The following KLHL1 variants were observed in gnomAD, a reference collection of about 807,000 sequenced individuals.
KLHL1 encodes the protein kelch like family member 1, also known as kelch-like protein 1.
Under a neutral mutation model 77.7 loss-of-function variants are expected in KLHL1, and 47 were observed. The ratio of observed to expected loss-of-function variants is 0.60; its 90% CI spans 0.48 to 0.77. KLHL1 has a LOEUF of 0.77. Among genes scored for constraint, KLHL1 ranks in the 30% least tolerant of loss-of-function variants. The probability of loss-of-function intolerance (pLI) is 0.00; values close to 1 mark genes in which losing one functional copy is unlikely to be tolerated. For synonymous variants in KLHL1, 360 were observed against 325.2 expected (o/e 1.11, Z -1.15); for missense variants, 925 against 910.8 (o/e 1.02, Z -0.20).
intron 7 of KLHL1, among the ~76,000 whole-genome samples, chr13:69,757,546 G>C (rs1874806962): frequency 6.6e-6 from 1 of 152,114 alleles, no homozygotes; most frequent in Admixed American, 6.6e-5. Flanking sequence ...GTGGCCCTCT[G>C]GGGCAACCCA....
At chr13:70,066,420 T>C (rs776929184) in intron 1 of KLHL1, among the ~76,000 whole-genome samples, 4 of 152,090 alleles carry the variant, frequency 2.6e-5, no homozygotes, top group Non-Finnish European at 4.4e-5. Context: ...AGAGTGCAAA[T>C]AGAATAAAAA....
In KLHL1 at chr13:70,101,187, T is replaced by A. The variant is rs377024190; in HGVS notation, c.497+6016A>T. Among the ~76,000 whole-genome samples the A allele has an allele frequency of 1.5e-4, 23 of 152,252 alleles. No homozygotes were observed. The East Asian group carries it at 4.2e-3, about 28-fold the overall frequency. Reference sequence around the variant, plus strand: ...GGCTTTCTTTATTTTTCTAAACAATTTGAAATAGTACCATAGAAAGGCTAA... The same window carrying A: ...GGCTTTCTTTATTTTTCTAAACAATATGAAATAGTACCATAGAAAGGCTAA... On this transcript the variant is annotated intron_variant, in intron 1 of 10. Transcript: ENST00000377844.
At chr13:69,761,927 C>G (rs1875042339) in intron 7 of KLHL1, among the ~76,000 whole-genome samples, 1 of 152,096 alleles carries the variant, frequency 6.6e-6, no homozygotes. Context: ...GGTTTATGAT[C>G]AATCTTTAGT....
intron 1 of KLHL1, among the ~76,000 whole-genome samples, chr13:69,998,317 T>A (rs553152813): frequency 6.6e-6 from 1 of 152,092 alleles, no homozygotes; most frequent in East Asian, 1.9e-4. Flanking sequence ...ATTCTCTAGC[T>A]AGCCCACTTG....
At chr13:69,929,528 A>C (rs1882929224) in intron 4 of KLHL1, among the ~76,000 whole-genome samples, 1 of 151,830 alleles carries the variant, frequency 6.6e-6, no homozygotes, top group African/African-American at 2.4e-5. Flanking sequence ...ATGTGTACCT[A>C]GTTGGAATTA....
rs1331754338 is a variant in KLHL1 at position 69,719,203 on chromosome 13, TGTGTGTGAGAGAGAGA to T, written c.2015+150_2015+165del. On this transcript the variant is annotated intron_variant, in intron 9 of 10. Transcript: ENST00000377844. ...AAGTACGTGTGTGTGTGTGTGTGTGTGTGTGTGAGAGAGAGAGAGAGAGAGAGAGAGAAAGGAGTTA... is the reference window on the plus strand; with the variant it reads ...AAGTACGTGTGTGTGTGTGTGTGTGTGAGAGAGAGAGAGAGAAAGGAGTTA... Among the ~76,000 whole-genome samples the T allele has an allele frequency of 3.5e-4, 25 of 71,552 alleles. No homozygotes were observed. In the South Asian group the frequency reaches 9.7e-3, roughly 28 times the overall value. 46.9% of individuals were successfully genotyped at this position (71,552 alleles called of 152,430 possible). A position where few individuals can be genotyped will look rare whatever the true frequency, so the allele number is the denominator to read the frequency against.
chr13:69,836,173 C>T (rs1878981128), intron 6 of KLHL1, among the ~76,000 whole-genome samples: 1 of 152,014 alleles, frequency 6.6e-6, no homozygotes, highest in Admixed American at 6.6e-5. Context: ...GGCTTAGAGA[C>T]CTTGCAATGC....
chr13:69,826,515 G>T (rs936354587), intron 6 of KLHL1, among the ~76,000 whole-genome samples: 4 of 152,150 alleles, frequency 2.6e-5, no homozygotes, highest in Admixed American at 6.6e-5. Context: ...GGGAGGCAGA[G>T]GTTGCAGTTA....
chr13:69,865,105 G>T (rs1238149370), intron 5 of KLHL1, among the ~76,000 whole-genome samples: 1 of 151,886 alleles, frequency 6.6e-6, no homozygotes. Context: ...CATGTATATT[G>T]TTTAATATTT....
intron 1 of KLHL1, among the ~76,000 whole-genome samples, chr13:70,039,398 C>G (rs1048993096): frequency 6.6e-6 from 1 of 151,954 alleles, no homozygotes; most frequent in Non-Finnish European, 1.5e-5. Flanking sequence ...TTATCATTTT[C>G]TAATTTGACT....
intron 4 of KLHL1, among the ~76,000 whole-genome samples, chr13:69,893,203 T>A (rs1881489684): frequency 6.6e-6 from 1 of 151,766 alleles, no homozygotes; most frequent in Non-Finnish European, 1.5e-5. Flanking sequence ...AATAAAGTGA[T>A]AATTCTCTTG....
At chr13:69,976,599 T>A (rs1036615062) in intron 1 of KLHL1, among the ~76,000 whole-genome samples, 1 of 152,026 alleles carries the variant, frequency 6.6e-6, no homozygotes, top group Non-Finnish European at 1.5e-5. Flanking sequence ...AGTGTTCTGA[T>A]GACAATTGCT....
At chr13:69,817,441 T>A (rs1216823705) in intron 6 of KLHL1, among the ~76,000 whole-genome samples, 1 of 152,166 alleles carries the variant, frequency 6.6e-6, no homozygotes, top group Non-Finnish European at 1.5e-5. Context: ...GCACCCAACC[T>A]CACTAAGATA....
intron 7 of KLHL1, among the ~76,000 whole-genome samples, chr13:69,791,583 T>C (rs1038644956): frequency 1.3e-4 from 20 of 152,252 alleles, no homozygotes; most frequent in African/African-American, 4.6e-4. Flanking sequence ...CATAAAGATA[T>C]ACACATAGAC....
chr13:70,059,398 G>T (rs907890074), intron 1 of KLHL1, among the ~76,000 whole-genome samples: 8 of 152,108 alleles, frequency 5.3e-5, no homozygotes, highest in African/African-American at 1.9e-4. Flanking sequence ...TCAAACTCCT[G>T]ACCTCAAGTG....
intron 1 of KLHL1, among the ~76,000 whole-genome samples, chr13:70,030,783 C>A (rs931342589): frequency 6.6e-6 from 1 of 151,936 alleles, no homozygotes; most frequent in African/African-American, 2.4e-5. Context: ...AAAAACCCTT[C>A]AAAAAATCAA....
intron 1 of KLHL1, among the ~76,000 whole-genome samples, chr13:69,981,367 C>G (rs1566469647): frequency 6.6e-6 from 1 of 151,682 alleles, no homozygotes; most frequent in Non-Finnish European, 1.5e-5. Context: ...ACGAAAACGG[C>G]AAAATAAATT....
chr13:70,008,428 G>A lies in KLHL1; in HGVS notation c.498-32626C>T, dbSNP rs1164777131. Among the ~76,000 whole-genome samples, 3 of 151,978 alleles carry A rather than the reference G, an allele frequency of 2.0e-5. No individual in the cohort carries two copies. The East Asian group carries it at 5.8e-4, about 29-fold the overall frequency. The stretch of plus-strand genomic sequence containing the variant: ...ATTCTATGAACATATAAGTGTGTAT[G>A]TATCTATCTACTATGCCTGGTAGTA... On this transcript the variant is annotated intron_variant, in intron 1 of 10. Transcript: ENST00000377844.
At chr13:69,773,110 T>C (rs1875654574) in intron 7 of KLHL1, among the ~76,000 whole-genome samples, 1 of 151,984 alleles carries the variant, frequency 6.6e-6, no homozygotes, top group Admixed American at 6.6e-5. Flanking sequence ...TGCAATGTCC[T>C]CTAATGGAAG....
Sources: gnomAD v4.1 joint callset for allele counts (sites outside exome capture counted in the v4.1 genomes callset) on GRCh38, gnomAD v4.1.1 for gene constraint, MANE v1.5 for transcripts, NCBI Gene and HGNC (gene_info 2026-07-23, HGNC 2026-07-21) for gene names.